CP: variants seen among roughly 807,000 people sequenced by gnomAD.
The protein encoded by CP is caeruloplasmin.
A neutral mutation model predicts 122.4 loss-of-function variants in CP; 64 were observed. That is an observed-to-expected ratio of 0.52 (90% confidence interval 0.43 to 0.64). The LOEUF is 0.64. Ranked by LOEUF, CP falls within the 30% of genes least tolerant of loss-of-function variation. The pLI is 0.00. For missense variants in CP, 1,167 were observed against 1,284.4 expected, an observed-to-expected ratio of 0.91 and a Z score of 1.40; for synonymous variants, 440 against 436.4, an observed-to-expected ratio of 1.01 and a Z score of -0.10.
intron 9 of CP, among the ~76,000 whole-genome samples, chr3:149,197,559 T>C (rs1325722812): frequency 2.6e-5 from 4 of 151,736 alleles, no homozygotes; most frequent in Non-Finnish European, 5.9e-5. Context: ...ATGTAACTAC[T>C]AGTTATAGGA....
chr3:149,221,779 A>G lies in CP; in HGVS notation c.14T>C (p.Ile5Thr), dbSNP rs1728829582. 3 of 1,613,844 alleles carry G rather than the reference A, an allele frequency of 1.9e-6. No homozygotes were observed. Among genetic ancestry groups the G allele is most frequent in the Non-Finnish European group, 2.5e-6 (3 of 1,179,796 alleles). Residue 5 changes from isoleucine to threonine, a missense_variant, in exon 1 of 19, where the codon ATA becomes ACA. Around this residue, in one of 2 missense-constraint regions of CP, gnomAD observed 642 missense variants for 627.3 expected, o/e 1.02. Coordinates refer to ENST00000264613, the MANE Select transcript of CP (RefSeq NM_000096.4). MKIL[I>T]LGIFLFLCST... ...ACATAAAAACAGAAAAATACCAAGTATCAAAATCTTCATTTTTTTCCCCTT... is the reference window on the plus strand; with the variant it reads ...ACATAAAAACAGAAAAATACCAAGTGTCAAAATCTTCATTTTTTTCCCCTT...
At chr3:149,175,933 T>G (rs1425555315) in intron 18 of CP, 1 of 269,038 alleles carries the variant, frequency 3.7e-6, no homozygotes, top group Non-Finnish European at 7.1e-6. Context: ...TAAATGTGTC[T>G]TATGTAAATA....
At position 149,183,518 on chromosome 3, in the gene CP, T is replaced by G. The variant is rs1396676587; in HGVS notation, c.2373A>C (p.Thr791=). ...KVVYRQYTDS[T]FRVPVERKAE... ...CTTTTCTCTCCACTGGAACACGGAATGTGCTATCAGTATACTGCCGATACA... is the reference window on the plus strand; with the variant it reads ...CTTTTCTCTCCACTGGAACACGGAAGGTGCTATCAGTATACTGCCGATACA... Residue 791 remains threonine (T), a synonymous_variant, in exon 13 of 19, where the codon ACA becomes ACC. Transcript: ENST00000264613. The G allele has an allele frequency of 6.2e-7, 1 of 1,611,968 alleles. No individual in the cohort carries two copies. Among genetic ancestry groups the G allele is most frequent in the South Asian group, 1.1e-5 (1 of 90,998 alleles).
At chr3:149,194,064 C>G (rs190686254) in intron 9 of CP, among the ~76,000 whole-genome samples, 1 of 152,198 alleles carries the variant, frequency 6.6e-6, no homozygotes, top group East Asian at 1.9e-4. Context: ...TACATAGCCT[C>G]TCGTGTTGTT....
intron 11 of CP, 51 bp from the exon 12 acceptor site, chr3:149,185,497 G>A (rs903897017): frequency 6.4e-7 from 1 of 1,554,116 alleles, no homozygotes; most frequent in Non-Finnish European, 8.9e-7. Flanking sequence ...TGCCCTCTGG[G>A]GCTCTCCACC....
intron 8 of CP, 149 bp downstream of exon 8, chr3:149,199,563 T>G: frequency 1.1e-6 from 1 of 939,914 alleles, no homozygotes; most frequent in Non-Finnish European, 1.7e-6. Flanking sequence ...GGAGAAGGGG[T>G]TTATTTGTTT....
intron 13 of CP, 141 bp downstream of exon 13, chr3:149,183,325 G>T: frequency 1.4e-6 from 1 of 739,096 alleles, no homozygotes; most frequent in Non-Finnish European, 2.2e-6. Context: ...TATTTCATTA[G>T]ATAACTAATT....
At chr3:149,167,269 C>T (rs1300598512) in intron 4 of CP, 3 of 1,547,938 alleles carry the variant, frequency 1.9e-6, no homozygotes, top group Admixed American at 3.6e-5. Context: ...TGTTTTTAGG[C>T]TTGATCAGTG....
At chr3:149,198,688 T>C in intron 8 of CP, 110 bp from the exon 9 acceptor site, 1 of 912,576 alleles carries the variant, frequency 1.1e-6, no homozygotes, top group South Asian at 1.4e-5. Flanking sequence ...AGTTCTTTGT[T>C]ATAAATTAGA....
intron 4 of CP, among the ~76,000 whole-genome samples, chr3:149,167,473 A>G (rs2108185563): frequency 6.6e-6 from 1 of 152,320 alleles, no homozygotes; most frequent in African/African-American, 2.4e-5. Flanking sequence ...TTTGGAGATG[A>G]AGTAGTTGAT....
rs552689214 is a variant in CP, at chr3:149,208,331, C to T, written c.782-714G>A. Reference sequence around the variant, plus strand: ...GAGTGCACCACATGTAACACTGGTACCAAATCAAACCTGCTCAGGCTAGAA... The same window carrying T: ...GAGTGCACCACATGTAACACTGGTATCAAATCAAACCTGCTCAGGCTAGAA... On this transcript the variant is annotated intron_variant, in intron 4 of 18. Transcript: ENST00000264613. Among the ~76,000 whole-genome samples the T allele has an allele frequency of 7.9e-5, 12 of 152,138 alleles. No individual in the cohort carries two copies. In the South Asian group the frequency reaches 1.2e-3, roughly 16 times the overall value.
At chr3:149,168,269 A>G, downstream of CP, 1 of 353,530 alleles carries the variant, frequency 2.8e-6, no homozygotes, top group Non-Finnish European at 5.3e-6. Flanking sequence ...GTGAGTAGTC[A>G]TTAAGGCAAT....
chr3:149,173,598 G>A lies in CP; in HGVS notation c.*116C>T. ...AAATGTACAAAGTTGTATGCTTCCA[G>A]TCTTCTTTTAATGTTTATAGTCATT... On this transcript the variant is annotated 3_prime_UTR_variant, in exon 19 of 19. Transcript: ENST00000264613. 1.4e-6 allele frequency: 1 copy of A among 726,228 alleles called. No homozygotes were observed. The highest frequency in any genetic ancestry group is 2.3e-6 in the Non-Finnish European group (1 of 434,958). 45.0% of individuals were successfully genotyped at this position (726,228 alleles called of 1,614,324 possible).
intron 1 of CP, chr3:149,217,866 C>T (rs199639574): frequency 2.2e-5 from 10 of 444,508 alleles, no homozygotes; most frequent in South Asian, 3.3e-5. Flanking sequence ...TTATGATTAC[C>T]GTAAGGTGGA....
chr3:149,214,206 T>C (rs1438968431), intron 1 of CP, among the ~76,000 whole-genome samples: 1 of 152,176 alleles, frequency 6.6e-6, no homozygotes, highest in Admixed American at 6.5e-5. Flanking sequence ...TTCCAGGTCA[T>C]ACCTGGAAGT....
chr3:149,209,442 T>C, intron 3 of CP, 58 bp from the exon 4 acceptor site: 2 of 1,505,960 alleles, frequency 1.3e-6, no homozygotes, highest in East Asian at 2.3e-5. Flanking sequence ...TTTTGATTTA[T>C]GTTTTCAGGT....
intron 4 of CP, among the ~76,000 whole-genome samples, chr3:149,208,092 A>G (rs1727864562): frequency 1.3e-5 from 2 of 152,168 alleles, no homozygotes; most frequent in South Asian, 4.1e-4. Context: ...ACATAAGAAT[A>G]GCTTTTTTTT....
At chr3:149,176,457 A>T in intron 17 of CP, 45 bp from the exon 18 acceptor site, 1 of 1,393,918 alleles carries the variant, frequency 7.2e-7, no homozygotes, top group Non-Finnish European at 1.0e-6. Context: ...TGTATATGAG[A>T]GTTCACTCAT....
Position 149,183,616 on chromosome 3 carries a change from A to G in CP, c.2286-11T>C. The stretch of plus-strand genomic sequence containing the variant: ...AATGCATTTGAAACACTTAAAAAAA[A>G]AAACAACTAAGGTTAGTATTTGTCT... On this transcript the variant is annotated splice_polypyrimidine_tract_variant and intron_variant, in intron 12 of 18. Coordinates refer to ENST00000264613, the MANE Select transcript of CP (RefSeq NM_000096.4). The G allele has an allele frequency of 2.6e-6, 4 of 1,543,100 alleles. No individual in the cohort carries two copies. The highest frequency in any genetic ancestry group is 3.5e-6 in the Non-Finnish European group (4 of 1,134,340).
Sources: gnomAD v4.1 joint callset for allele counts (sites outside exome capture counted in the v4.1 genomes callset) on GRCh38, gnomAD v4.1.1 for gene constraint, gnomAD v4.1.1 regional missense constraint, MANE v1.5 for transcripts, NCBI Gene and HGNC (gene_info 2026-07-23, HGNC 2026-07-21) for gene names.